The following FGF13 variants were observed in gnomAD, a reference collection of about 807,000 sequenced individuals.
FGF13 encodes the protein fibroblast growth factor 13.
FGF13 carries 2 observed loss-of-function variants against 19.5 expected under a neutral mutation model. That is an observed-to-expected ratio of 0.10 (90% CI 0.04 to 0.32). FGF13 has a LOEUF of 0.32. FGF13 is among the 10% of genes least tolerant of loss of function. The probability of loss-of-function intolerance (pLI) is 1.00; values close to 1 mark genes in which losing one functional copy is unlikely to be tolerated. For synonymous variants in FGF13, 72 were observed against 76.9 expected, an observed-to-expected ratio of 0.94 and a Z score of 0.33; for missense variants, 113 against 192.7, an observed-to-expected ratio of 0.59 and a Z score of 2.45.
intron 3 of FGF13, among the ~76,000 whole-genome samples, chrX:138,747,658 C>G (rs966439488): frequency 2.9e-4 from 32 of 111,843 alleles, no homozygotes; most frequent in African/African-American, 9.4e-4. Context: ...GGGCACAGGC[C>G]TCTTTAGCCA....
chrX:139,197,829 T>C (rs1049657646), intron 1 of FGF13, among the ~76,000 whole-genome samples: 3 of 108,835 alleles, frequency 2.8e-5, no homozygotes, highest in African/African-American at 1.0e-4. Context: ...CCATCTCTAC[T>C]AAAAATACAA....
At chrX:138,824,889 T>C (rs184139457) in intron 3 of FGF13, among the ~76,000 whole-genome samples, 21 of 112,020 alleles carry the variant, frequency 1.9e-4, no homozygotes, top group Non-Finnish European at 9.4e-5. Flanking sequence ...ATATGCCCTG[T>C]TCAATTCGTG....
At position 138,846,783 on chromosome X, in the gene FGF13, C is replaced by A. The variant is rs1282584676; in HGVS notation, c.217+10729G>T. 2.7e-5 allele frequency among the ~76,000 whole-genome samples: 3 copies of A among 112,379 alleles called. No homozygotes were observed. The Admixed American group carries it at 2.8e-4, about 11-fold the overall frequency. On this transcript the variant is annotated intron_variant, in intron 3 of 6. Coordinates refer to the FGF13 transcript ENST00000436198. ...AAAGAAAGCAGAGTAGACAAGTGAGCTTTTAATATCTTTTATCTAGGAACA... is the reference window on the plus strand; with the variant it reads ...AAAGAAAGCAGAGTAGACAAGTGAGATTTTAATATCTTTTATCTAGGAACA...
chrX:138,964,834 G>T (rs1437816304), intron 1 of FGF13, among the ~76,000 whole-genome samples: 4 of 110,861 alleles, frequency 3.6e-5, no homozygotes, highest in Non-Finnish European at 5.7e-5. Context: ...ATGGGGCTGG[G>T]GGGTACCACA....
chrX:138,666,770 A>G (rs2089551191), intron 3 of FGF13, among the ~76,000 whole-genome samples: 1 of 111,251 alleles, frequency 9.0e-6, no homozygotes, highest in South Asian at 3.7e-4. Flanking sequence ...TATACAACTT[A>G]TAAATAAAAG....
At chrX:139,102,892 A>G (rs2083525855) in intron 1 of FGF13, among the ~76,000 whole-genome samples, 1 of 112,793 alleles carries the variant, frequency 8.9e-6, no homozygotes, top group Admixed American at 9.4e-5. Flanking sequence ...AGGCATTTCA[A>G]GGAGGAGAAA....
In FGF13 at chrX:139,124,490, A is replaced by T. The variant is rs191028243; in HGVS notation, c.-113+78926T>A. On this transcript the variant is annotated intron_variant, in intron 1 of 2. Transcript: ENST00000421460. ...TCTCCATCCTCATACACTACTTTTG[A>T]TGTCCAGATCATACCCGCCTTGCAA... Among the ~76,000 whole-genome samples the T allele has an allele frequency of 3.6e-5, 4 of 111,512 alleles. No homozygotes were observed. The East Asian group carries it at 1.1e-3, about 32-fold the overall frequency.
intron 1 of FGF13, among the ~76,000 whole-genome samples, chrX:139,108,103 A>G (rs747387942): frequency 1.4e-4 from 16 of 112,156 alleles, no homozygotes; most frequent in Admixed American, 7.6e-4. Context: ...TGTATTTTCA[A>G]TGATGGAACA....
Position 138,644,695 on chromosome X carries a change from A to C in FGF13, c.403-9040T>G, listed in dbSNP as rs183494377. 1.6e-4 allele frequency among the ~76,000 whole-genome samples: 18 copies of C among 112,050 alleles called. No homozygotes were observed. In the Admixed American group the frequency reaches 1.7e-3, roughly 11 times the overall value. On this transcript the variant is annotated intron_variant, in intron 3 of 4. Coordinates refer to ENST00000315930, the MANE Select transcript of FGF13 (RefSeq NM_004114.5). Reference sequence around the variant, plus strand: ...TAATTAGGAGTCTGCTTCTTCAAAAACTTTGAAAGGAGACTTTCTTGAACA... The same window carrying C: ...TAATTAGGAGTCTGCTTCTTCAAAACCTTTGAAAGGAGACTTTCTTGAACA...
At chrX:139,191,293 C>T (rs1173797078) in intron 1 of FGF13, among the ~76,000 whole-genome samples, 4 of 112,496 alleles carry the variant, frequency 3.6e-5, no homozygotes, top group Non-Finnish European at 7.5e-5. Context: ...AGTTTTGTCA[C>T]TTGTTTGGAG....
At chrX:139,140,023 T>C (rs2083830959) in intron 1 of FGF13, among the ~76,000 whole-genome samples, 1 of 111,537 alleles carries the variant, frequency 9.0e-6, no homozygotes, top group Non-Finnish European at 1.9e-5. Flanking sequence ...ACTTAGTTCA[T>C]ATCTTTTTCT....
chrX:138,892,305 C>G (rs1822592826), intron 1 of FGF13, among the ~76,000 whole-genome samples: 1 of 111,383 alleles, frequency 9.0e-6, no homozygotes, highest in South Asian at 3.8e-4. Context: ...ATGGATAACA[C>G]TGAATGGTAG....
chrX:138,807,482 C>T (rs1367962351), intron 3 of FGF13, among the ~76,000 whole-genome samples: 1 of 111,853 alleles, frequency 8.9e-6, no homozygotes, highest in African/African-American at 3.3e-5. Flanking sequence ...CCAGCCACTG[C>T]AAAAACATGC....
intron 1 of FGF13, among the ~76,000 whole-genome samples, chrX:139,013,479 T>TTATATATATATATA (rs202184653): frequency 2.7e-4 from 19 of 71,048 alleles, no homozygotes; most frequent in African/African-American, 4.2e-4. Flanking sequence ...AAAGAAAATT[T>TTATATATATATATA]TATATATATA....
chrX:138,635,283 C>G (rs2089169841), intron 4 of FGF13, among the ~76,000 whole-genome samples, 174 bp downstream of exon 4: 1 of 111,408 alleles, frequency 9.0e-6, no homozygotes, highest in East Asian at 2.8e-4. Context: ...ACACTACATA[C>G]TGGGTACAGT....
At chrX:138,804,501 C>T (rs2090851796) in intron 3 of FGF13, among the ~76,000 whole-genome samples, 1 of 111,865 alleles carries the variant, frequency 8.9e-6, no homozygotes, top group Admixed American at 9.5e-5. Flanking sequence ...CACTTTTAAC[C>T]ATAATTCTTC....
intron 3 of FGF13, among the ~76,000 whole-genome samples, chrX:138,766,799 G>T (rs1171360507): frequency 5.4e-5 from 6 of 111,922 alleles, no homozygotes; most frequent in Non-Finnish European, 9.4e-5. Flanking sequence ...TATAGTTTGA[G>T]GTCTTACATT....
intron 1 of FGF13, among the ~76,000 whole-genome samples, chrX:139,017,337 A>ATG (rs201451283): frequency 0.012 from 383 of 32,526 alleles, 1 homozygote; most frequent in African/African-American, 0.036. Flanking sequence ...ATATACATGT[A>ATG]TGTATATATA....
At position 138,942,160 on chromosome X, in the gene FGF13, C is replaced by A. The variant is rs779802479; in HGVS notation, c.-112-77510G>T. ...ATCTCATTTGATCCATACAACAAGC[C>A]TTGGAAGTTGGTATTATTATTCTCC... On this transcript the variant is annotated intron_variant, in intron 1 of 2. Transcript: ENST00000421460. Among the ~76,000 whole-genome samples the A allele has an allele frequency of 3.6e-5, 4 of 111,819 alleles. No homozygotes were observed. The South Asian group carries it at 1.5e-3, about 42-fold the overall frequency.
Sources: allele counts gnomAD v4.1 joint callset (sites outside exome capture counted in the v4.1 genomes callset), GRCh38; gene constraint gnomAD v4.1.1; transcripts MANE v1.5; gene names NCBI Gene and HGNC (gene_info 2026-07-23, HGNC 2026-07-21).